ENTREP2: variants seen among roughly 807,000 people sequenced by gnomAD.
ENTREP2 encodes the protein endosomal transmembrane epsin interactor 2.
the ENTREP2 span, among the ~76,000 whole-genome samples, chr15:29,631,531 G>T: frequency 6.6e-6 from 1 of 152,210 alleles, no homozygotes; most frequent in Non-Finnish European, 1.5e-5. Context: ...GGGGCACTCT[G>T]CAATGCGTAT....
At chr15:29,221,451 C>T in the ENTREP2 span, among the ~76,000 whole-genome samples, 14 of 152,208 alleles carry the variant, frequency 9.2e-5, no homozygotes, top group African/African-American at 1.9e-4. Context: ...CTGCCCACCT[C>T]GGCCTCTCAA....
chr15:29,260,931 C>T, the ENTREP2 span, among the ~76,000 whole-genome samples: 1 of 152,096 alleles, frequency 6.6e-6, no homozygotes, highest in African/African-American at 2.4e-5. Flanking sequence ...GATGCTAAAC[C>T]TGTTTCGCCT....
At chr15:29,363,287 A>G in the ENTREP2 span, among the ~76,000 whole-genome samples, 1 of 152,210 alleles carries the variant, frequency 6.6e-6, no homozygotes, top group African/African-American at 2.4e-5. Flanking sequence ...TAACTCACCT[A>G]TATTTTTAAT....
chr15:29,597,098 A>G, the ENTREP2 span, among the ~76,000 whole-genome samples: 1 of 142,976 alleles, frequency 7.0e-6, no homozygotes, highest in African/African-American at 2.5e-5. Flanking sequence ...AAAAAAAAAA[A>G]AAATCCCTGT....
At chr15:29,579,805 G>A in the ENTREP2 span, among the ~76,000 whole-genome samples, 1 of 146,192 alleles carries the variant, frequency 6.8e-6, no homozygotes, top group Non-Finnish European at 1.5e-5. Context: ...CCACGTTCCG[G>A]GTTCACGCCA....
the ENTREP2 span, among the ~76,000 whole-genome samples, chr15:29,270,422 C>CA: frequency 3.3e-5 from 5 of 152,156 alleles, no homozygotes; most frequent in East Asian, 9.6e-4. Flanking sequence ...GAGAAGACCA[C>CA]AAAAAACGTG....
the ENTREP2 span, among the ~76,000 whole-genome samples, chr15:29,478,013 A>ATTTT: frequency 3.7e-4 from 24 of 65,608 alleles, no homozygotes; most frequent in African/African-American, 1.3e-3. Context: ...ATATATATAT[A>ATTTT]TATATATTTT....
At chr15:29,499,208 C>T in the ENTREP2 span, among the ~76,000 whole-genome samples, 1 of 152,064 alleles carries the variant, frequency 6.6e-6, no homozygotes, top group Non-Finnish European at 1.5e-5. Context: ...TTTGAGGATG[C>T]CTTGATCCTT....
At chr15:29,371,501 T>C in the ENTREP2 span, among the ~76,000 whole-genome samples, 1 of 151,944 alleles carries the variant, frequency 6.6e-6, no homozygotes, top group African/African-American at 2.4e-5. Context: ...AAAAATAGCA[T>C]AAATAATGAC....
chr15:29,383,177 G>A, the ENTREP2 span, among the ~76,000 whole-genome samples: 1 of 152,254 alleles, frequency 6.6e-6, no homozygotes, highest in East Asian at 1.9e-4. Flanking sequence ...ACTGGTATCT[G>A]CACAGGTGAT....
At chr15:29,667,403 T>C in the ENTREP2 span, among the ~76,000 whole-genome samples, 1 of 151,358 alleles carries the variant, frequency 6.6e-6, no homozygotes, top group Non-Finnish European at 1.5e-5. Flanking sequence ...TTAGCCAGGA[T>C]GGTCTCAATC....
the ENTREP2 span, among the ~76,000 whole-genome samples, chr15:29,292,909 T>C: frequency 6.6e-6 from 1 of 152,216 alleles, no homozygotes; most frequent in African/African-American, 2.4e-5. Context: ...GCCAAATACA[T>C]TTGCCATGAG....
chr15:29,349,383 T>C, the ENTREP2 span, among the ~76,000 whole-genome samples: 1 of 152,234 alleles, frequency 6.6e-6, no homozygotes, highest in South Asian at 2.1e-4. Context: ...GTACAAGCTA[T>C]ATTGCATACA....
At chr15:29,507,327 T>C in the ENTREP2 span, among the ~76,000 whole-genome samples, 7 of 152,216 alleles carry the variant, frequency 4.6e-5, no homozygotes, top group Admixed American at 1.3e-4. Flanking sequence ...AACACCCCAC[T>C]GTTGATATTA....
At chr15:29,180,335 G>C in the ENTREP2 span, among the ~76,000 whole-genome samples, 1 of 152,148 alleles carries the variant, frequency 6.6e-6, no homozygotes, top group African/African-American at 2.4e-5. Context: ...ATTGTAATCA[G>C]GTTACCTGAC....
the ENTREP2 span, chr15:29,235,159 G>T: frequency 3.8e-6 from 3 of 784,020 alleles, no homozygotes; most frequent in South Asian, 2.8e-5. Context: ...AGCGAGGTGG[G>T]AGGGGAGACC....
At chr15:29,640,240 CCAA>C in the ENTREP2 span, among the ~76,000 whole-genome samples, 2 of 151,938 alleles carry the variant, frequency 1.3e-5, no homozygotes, top group African/African-American at 4.8e-5. Context: ...CATCTGTATG[CCAA>C]CAAATTAGAT....
At chr15:29,403,961 C>T in the ENTREP2 span, among the ~76,000 whole-genome samples, 1 of 152,188 alleles carries the variant, frequency 6.6e-6, no homozygotes, top group Non-Finnish European at 1.5e-5. Flanking sequence ...GCAGGCTGCT[C>T]TCCCTCCTCC....
At chr15:29,575,986 T>A in the ENTREP2 span, among the ~76,000 whole-genome samples, 2 of 152,276 alleles carry the variant, frequency 1.3e-5, no homozygotes, top group East Asian at 3.9e-4. Context: ...AAAGCCAATC[T>A]TCAAAATCAT....
Sources: allele counts gnomAD v4.1 joint callset (sites outside exome capture counted in the v4.1 genomes callset), GRCh38; gene constraint gnomAD v4.1.1; transcripts MANE v1.5; gene names NCBI Gene and HGNC (gene_info 2026-07-23, HGNC 2026-07-21).